PRKD1: variants seen among roughly 807,000 people sequenced by gnomAD.
PRKD1 encodes the protein serine/threonine-protein kinase D1.
A neutral mutation model predicts 95.9 loss-of-function variants in PRKD1; 63 were observed. That is an observed-to-expected ratio of 0.66 (90% CI 0.54 to 0.81). PRKD1 has a LOEUF of 0.81. Among genes scored for constraint, PRKD1 ranks in the 30% least tolerant of loss-of-function variants. The pLI is 0.00. For synonymous variants in PRKD1, 425 were observed against 423.1 expected (o/e 1.00, Z -0.05); for missense variants, 1,048 against 1,165.3 (o/e 0.90, Z 1.47).
Position 29,723,303 on chromosome 14 carries a change from C to G in PRKD1, c.403+2233G>C, listed in dbSNP as rs190321963. Among the ~76,000 whole-genome samples, 129 of 152,152 alleles carry G rather than the reference C, an allele frequency of 8.5e-4. No homozygotes were observed. The Middle Eastern group carries it at 0.017, about 20-fold the overall frequency. On this transcript the variant is annotated intron_variant, in intron 2 of 17. Coordinates refer to ENST00000331968, the MANE Select transcript of PRKD1 (RefSeq NM_002742.3). Reference sequence around the variant, plus strand: ...ATGGCAATGGGAAATCAGAAGAGGGCCATATCACTCAACTCCTCAACTAAG... The same window carrying G: ...ATGGCAATGGGAAATCAGAAGAGGGGCATATCACTCAACTCCTCAACTAAG...
At chr14:29,609,506 G>GCGCA (rs1555327739) in intron 13 of PRKD1, among the ~76,000 whole-genome samples, 11 of 127,426 alleles carry the variant, frequency 8.6e-5, no homozygotes, top group African/African-American at 1.5e-4. Context: ...GTGTGTGCGT[G>GCGCA]CACACACACA....
intron 1 of PRKD1, among the ~76,000 whole-genome samples, chr14:29,834,634 C>T (rs985600539): frequency 6.6e-6 from 1 of 151,784 alleles, no homozygotes; most frequent in African/African-American, 2.4e-5. Flanking sequence ...TTCTATTTTA[C>T]TAAATATTAG....
intron 1 of PRKD1, among the ~76,000 whole-genome samples, chr14:29,770,691 G>T (rs917041343): frequency 6.6e-6 from 1 of 152,088 alleles, no homozygotes; most frequent in African/African-American, 2.4e-5. Context: ...AGGAGGTCAG[G>T]CATTGTGACT....
intron 4 of PRKD1, among the ~76,000 whole-genome samples, chr14:29,645,580 G>C (rs1250847649): frequency 6.6e-6 from 1 of 152,096 alleles, no homozygotes; most frequent in African/African-American, 2.4e-5. Flanking sequence ...TTGCCATCGA[G>C]ATGGATCTAT....
intron 4 of PRKD1, among the ~76,000 whole-genome samples, chr14:29,661,254 G>C (rs550243427): frequency 6.6e-6 from 1 of 152,304 alleles, no homozygotes; most frequent in South Asian, 2.1e-4. Context: ...TACCATGGCA[G>C]ACTTGCAAAA....
intron 13 of PRKD1, among the ~76,000 whole-genome samples, chr14:29,602,604 T>C (rs1893563407): frequency 6.6e-6 from 1 of 151,812 alleles, no homozygotes; most frequent in South Asian, 2.1e-4. Context: ...TAATTTTGTA[T>C]GTTTTGTAGA....
intron 1 of PRKD1, among the ~76,000 whole-genome samples, chr14:29,855,003 G>C (rs188181008): frequency 6.6e-6 from 1 of 152,220 alleles, no homozygotes; most frequent in Non-Finnish European, 1.5e-5. Flanking sequence ...GTATAAAGAC[G>C]CCTGGATGCC....
At chr14:29,814,242 C>T (rs1454585661) in intron 1 of PRKD1, among the ~76,000 whole-genome samples, 2 of 152,168 alleles carry the variant, frequency 1.3e-5, no homozygotes, top group African/African-American at 4.8e-5. Context: ...TGTCCCACTA[C>T]ATAATTAATC....
chr14:29,887,942 A>G (rs1893787232), intron 1 of PRKD1, among the ~76,000 whole-genome samples: 2 of 152,224 alleles, frequency 1.3e-5, no homozygotes, highest in Admixed American at 1.3e-4. Flanking sequence ...GAGATGCATT[A>G]CTGAGCAAAG....
At chr14:29,592,777 T>G (rs944198902) in intron 16 of PRKD1, 1 of 152,142 alleles carries the variant, frequency 6.6e-6, no homozygotes, top group Non-Finnish European at 1.5e-5. Context: ...GTAACGTGGA[T>G]GAGATCACCA....
At chr14:29,584,530 G>A (rs577323103) in intron 16 of PRKD1, among the ~76,000 whole-genome samples, 1 of 151,644 alleles carries the variant, frequency 6.6e-6, no homozygotes, top group Non-Finnish European at 1.5e-5. Flanking sequence ...ACACAGATTG[G>A]GTATTCATTT....
intron 1 of PRKD1, among the ~76,000 whole-genome samples, chr14:29,865,444 T>G (rs1379285324): frequency 6.6e-6 from 1 of 152,204 alleles, no homozygotes; most frequent in Non-Finnish European, 1.5e-5. Context: ...GTGAAGTGAT[T>G]CATCCTTGAG....
At chr14:29,922,535 T>C (rs1257762905) in intron 1 of PRKD1, among the ~76,000 whole-genome samples, 1 of 152,118 alleles carries the variant, frequency 6.6e-6, no homozygotes, top group Non-Finnish European at 1.5e-5. Flanking sequence ...ATACATAATA[T>C]ACAGTTCCAA....
At chr14:29,646,705 T>C (rs1881147093) in intron 4 of PRKD1, among the ~76,000 whole-genome samples, 1 of 150,576 alleles carries the variant, frequency 6.6e-6, no homozygotes, top group Admixed American at 6.6e-5. Context: ...TGGTGAATGC[T>C]CAGTCCGAGG....
At chr14:29,803,252 T>C (rs147316925) in intron 1 of PRKD1, among the ~76,000 whole-genome samples, 1 of 152,314 alleles carries the variant, frequency 6.6e-6, no homozygotes, top group East Asian at 1.9e-4. Flanking sequence ...TGAAATACAA[T>C]GTACATATGG....
At chr14:29,594,644 G>A (rs910612269) in intron 16 of PRKD1, among the ~76,000 whole-genome samples, 1 of 152,126 alleles carries the variant, frequency 6.6e-6, no homozygotes, top group Non-Finnish European at 1.5e-5. Flanking sequence ...TCATGGAGGT[G>A]CTTGGGTTTT....
At chr14:29,872,091 G>A (rs1893127930) in intron 1 of PRKD1, among the ~76,000 whole-genome samples, 1 of 152,094 alleles carries the variant, frequency 6.6e-6, no homozygotes, top group African/African-American at 2.4e-5. Context: ...CTATTTATAT[G>A]CCTGGAACTG....
intron 4 of PRKD1, chr14:29,657,991 G>A (rs1044962755): frequency 1.3e-5 from 2 of 152,186 alleles, no homozygotes; most frequent in African/African-American, 4.8e-5. Flanking sequence ...CCAAACATGA[G>A]TTTCAGGGAA....
At chr14:29,708,886 G>A (rs930926662) in intron 2 of PRKD1, among the ~76,000 whole-genome samples, 5 of 151,786 alleles carry the variant, frequency 3.3e-5, no homozygotes, top group African/African-American at 1.2e-4. Context: ...CAAAACTTTA[G>A]GTCTTTAAAT....
Sources: gnomAD v4.1 joint callset for allele counts (sites outside exome capture counted in the v4.1 genomes callset) on GRCh38, gnomAD v4.1.1 for gene constraint, MANE v1.5 for transcripts, NCBI Gene and HGNC (gene_info 2026-07-23, HGNC 2026-07-21) for gene names.